The following GRID1 variants were observed in gnomAD, a reference collection of about 807,000 sequenced individuals.
The protein encoded by GRID1 is glutamate receptor ionotropic, delta-1.
A neutral mutation model predicts 98.0 loss-of-function variants in GRID1; 28 were observed. The observed-to-expected ratio is 0.29, with a 90% confidence interval of 0.21 to 0.39. The LOEUF (loss-of-function observed/expected upper bound fraction) is 0.39. GRID1 is among the 10% of genes least tolerant of loss of function. GRID1 has a pLI of 1.00. For synonymous variants in GRID1, 553 were observed against 538.5 expected (o/e 1.03, Z -0.37); for missense variants, 1,111 against 1,340.5 (o/e 0.83, Z 2.67).
intron 12 of GRID1, among the ~76,000 whole-genome samples, chr10:85,695,574 C>T (rs958123248): frequency 2.0e-5 from 3 of 152,048 alleles, no homozygotes; most frequent in Non-Finnish European, 4.4e-5. Flanking sequence ...TCACACAATT[C>T]TAATGGATCT....
At chr10:86,333,521 T>C (rs1485109240) in intron 2 of GRID1, among the ~76,000 whole-genome samples, 1 of 152,226 alleles carries the variant, frequency 6.6e-6, no homozygotes, top group Non-Finnish European at 1.5e-5. Flanking sequence ...TTGTTGAAAG[T>C]ACAGTTGACA....
chr10:86,358,382 C>A (rs748856890), intron 2 of GRID1, among the ~76,000 whole-genome samples: 1 of 152,156 alleles, frequency 6.6e-6, no homozygotes, highest in African/African-American at 2.4e-5. Flanking sequence ...AAGATGTCTA[C>A]ATCCTAATCC....
intron 2 of GRID1, among the ~76,000 whole-genome samples, chr10:86,282,295 G>A (rs1475132478): frequency 6.6e-6 from 1 of 152,136 alleles, no homozygotes; most frequent in Non-Finnish European, 1.5e-5. Context: ...GGGTGACTTG[G>A]GCAAATCATT....
intron 4 of GRID1, among the ~76,000 whole-genome samples, chr10:85,962,574 C>T (rs1289770401): frequency 6.6e-6 from 1 of 152,128 alleles, no homozygotes; most frequent in East Asian, 1.9e-4. Flanking sequence ...ACAACCTGGC[C>T]TCAAGGCACA....
chr10:85,991,781 T>C (rs1842683314), intron 4 of GRID1, among the ~76,000 whole-genome samples: 2 of 152,074 alleles, frequency 1.3e-5, no homozygotes, highest in African/African-American at 4.8e-5. Context: ...AGACAAATTG[T>C]GGCGGGTGGA....
intron 3 of GRID1, among the ~76,000 whole-genome samples, chr10:86,181,365 G>A (rs1845652838): frequency 6.8e-6 from 1 of 146,482 alleles, no homozygotes; most frequent in African/African-American, 2.6e-5. Context: ...TCTCAGAGGT[G>A]CAGAGCAATG....
intron 8 of GRID1, among the ~76,000 whole-genome samples, chr10:85,737,686 TTATA>T (rs368871750): frequency 0.07 from 6,603 of 94,414 alleles, 497 homozygotes; most frequent in Middle Eastern, 0.13. Flanking sequence ...ACATATATGG[TTATA>T]TATATATATA....
rs1342754070 is a variant in GRID1 at position 85,737,673 on chromosome 10, T to TATATATATATATAA, written c.1234-8060_1234-8059insTTATATATATATAT. 6.7e-4 allele frequency among the ~76,000 whole-genome samples: 76 copies of TATATATATATATAA among 113,024 alleles called. 2 individuals carry two copies. The highest frequency in any genetic ancestry group is 1.4e-3 in the African/African-American group (40 of 28,178). 74.1% of individuals were successfully genotyped at this position (113,024 alleles called of 152,430 possible). On this transcript the variant is annotated intron_variant, in intron 8 of 15. Transcript: ENST00000327946. ...ATATATATATATATATATATATATA[T>TATATATATATATAA]AAACATATATGGTTATATATATATA...
intron 2 of GRID1, among the ~76,000 whole-genome samples, chr10:86,252,451 T>C (rs1846851118): frequency 6.6e-6 from 1 of 152,244 alleles, no homozygotes; most frequent in African/African-American, 2.4e-5. Flanking sequence ...CACACTGCAC[T>C]GTAAGGATTA....
intron 5 of GRID1, among the ~76,000 whole-genome samples, chr10:85,888,443 C>T (rs976053446): frequency 1.3e-5 from 2 of 152,206 alleles, no homozygotes; most frequent in Non-Finnish European, 2.9e-5. Context: ...CCAGAGAAGT[C>T]CAAAGTCCTA....
In GRID1 at chr10:86,036,425, C is replaced by A. The variant is rs140181970; in HGVS notation, c.726+102394G>T. Among the ~76,000 whole-genome samples the A allele has an allele frequency of 1.1e-4, 16 of 152,308 alleles. No individual in the cohort carries two copies. In the South Asian group the frequency reaches 2.9e-3, roughly 28 times the overall value. On this transcript the variant is annotated intron_variant, in intron 4 of 15. Transcript: ENST00000327946. ...CAACCCTGCACCCTGGCAGATTTCCCAAGGAATGCTGCCATCTGAGAAGTT... is the reference window on the plus strand; with the variant it reads ...CAACCCTGCACCCTGGCAGATTTCCAAAGGAATGCTGCCATCTGAGAAGTT...
At chr10:86,255,397 G>C (rs899678234) in intron 2 of GRID1, among the ~76,000 whole-genome samples, 22 of 152,130 alleles carry the variant, frequency 1.4e-4, no homozygotes, top group African/African-American at 4.3e-4. Flanking sequence ...TTGGAGGCTG[G>C]GTAGCACTTT....
At position 86,115,093 on chromosome 10, in the gene GRID1, G is replaced by A. The variant is rs145060723; in HGVS notation, c.726+23726C>T. ...CAAGAGCTCCCGGGGGCTATGAAAG[G>A]TAACATACCTGGAGAGTTTGGGGAG... On this transcript the variant is annotated intron_variant, in intron 4 of 15. Transcript: ENST00000327946. Among the ~76,000 whole-genome samples, 1,098 of 152,308 alleles carry A rather than the reference G, an allele frequency of 7.2e-3. 11 individuals are homozygous for A. Among genetic ancestry groups the A allele is most frequent in the African/African-American group, 0.025 (1,026 of 41,548 alleles).
chr10:85,658,590 G>A (rs1385816192), intron 12 of GRID1, among the ~76,000 whole-genome samples: 2 of 152,160 alleles, frequency 1.3e-5, no homozygotes, highest in African/African-American at 4.8e-5. Context: ...AGGGCGAACA[G>A]GCACATGGAT....
intron 4 of GRID1, among the ~76,000 whole-genome samples, chr10:86,057,822 G>A (rs1442399354): frequency 1.3e-5 from 2 of 152,182 alleles, no homozygotes; most frequent in Non-Finnish European, 2.9e-5. Flanking sequence ...GAACTGTTTA[G>A]TTAATGTCTG....
rs558571380 is a variant in GRID1 at position 85,906,134 on chromosome 10, C to A, written c.780+10052G>T. ...ATCCCAGATAAACTATATTTCAGAG[C>A]AGAAAAAAATACCAGGGACAAATCC... On this transcript the variant is annotated intron_variant, in intron 5 of 15. Coordinates refer to ENST00000327946, the MANE Select transcript of GRID1 (RefSeq NM_017551.3). Among the ~76,000 whole-genome samples, 12 of 151,972 alleles carry A rather than the reference C, an allele frequency of 7.9e-5. No individual in the cohort carries two copies. The South Asian group carries it at 2.5e-3, about 32-fold the overall frequency.
chr10:85,635,428 C>A (rs1333592018), intron 13 of GRID1, among the ~76,000 whole-genome samples: 3 of 152,214 alleles, frequency 2.0e-5, no homozygotes, highest in African/African-American at 7.2e-5. Flanking sequence ...CCCCTGCCCC[C>A]TCCTTGCCCT....
intron 2 of GRID1, among the ~76,000 whole-genome samples, chr10:86,243,690 C>T (rs747097719): frequency 3.3e-5 from 5 of 152,182 alleles, no homozygotes; most frequent in Non-Finnish European, 7.3e-5. Context: ...TGCCAGTATA[C>T]AGACGAGGAA....
chr10:86,053,799 T>A (rs1283220808), intron 4 of GRID1, among the ~76,000 whole-genome samples: 2 of 152,100 alleles, frequency 1.3e-5, no homozygotes, highest in African/African-American at 4.8e-5. Context: ...CTGGCCCCCA[T>A]CCCTACACAG....
Sources: gnomAD v4.1 joint callset for allele counts (sites outside exome capture counted in the v4.1 genomes callset) on GRCh38, gnomAD v4.1.1 for gene constraint, MANE v1.5 for transcripts, NCBI Gene and HGNC (gene_info 2026-07-23, HGNC 2026-07-21) for gene names.